PDXK: variants seen among roughly 807,000 people sequenced by gnomAD.
PDXK encodes the protein pyridoxal kinase, also known as epididymis secretory sperm binding protein Li 1a.
A neutral mutation model predicts 43.2 loss-of-function variants in PDXK; 15 were observed. That is an observed-to-expected ratio of 0.35 (90% CI 0.23 to 0.53). PDXK has a LOEUF of 0.53. PDXK is among the 20% of genes least tolerant of loss of function. PDXK has a pLI of 0.92. For synonymous variants in PDXK, 172 were observed against 165.4 expected, an observed-to-expected ratio of 1.04 and a Z score of -0.31; for missense variants, 343 against 417.0, an observed-to-expected ratio of 0.82 and a Z score of 1.54.
chr21:43,743,913 C>T, intron 4 of PDXK, 106 bp downstream of exon 4: 1 of 724,852 alleles, frequency 1.4e-6, no homozygotes, highest in Non-Finnish European at 2.4e-6. Flanking sequence ...CTCTGCACGC[C>T]TCCGTGCCCC....
At chr21:43,733,265 G>GCC (rs1363886611) in intron 1 of PDXK, among the ~76,000 whole-genome samples, 14 of 47,508 alleles carry the variant, frequency 2.9e-4, no homozygotes, top group South Asian at 8.5e-4. Flanking sequence ...CCCCCCCCCC[G>GCC]CCCCCCCCGC....
chr21:43,751,174 C>A (rs2083745033), intron 7 of PDXK, among the ~76,000 whole-genome samples: 1 of 152,208 alleles, frequency 6.6e-6, no homozygotes, highest in Non-Finnish European at 1.5e-5. Context: ...GCGTGTCTTG[C>A]TAGCATTGAA....
chr21:43,733,935 C>T, intron 1 of PDXK, 134 bp from the exon 2 acceptor site: 2 of 806,448 alleles, frequency 2.5e-6, no homozygotes, highest in South Asian at 1.5e-5. Context: ...TGCGTCAGCC[C>T]TCCAGCCTGC....
At chr21:43,750,880 G>A (rs995896025) in intron 7 of PDXK, among the ~76,000 whole-genome samples, 2 of 151,852 alleles carry the variant, frequency 1.3e-5, no homozygotes, top group Non-Finnish European at 2.9e-5. Context: ...GTGCATGTGT[G>A]TCCATGGGCG....
chr21:43,722,140 C>T (rs1352649155), intron 1 of PDXK, among the ~76,000 whole-genome samples: 7 of 152,218 alleles, frequency 4.6e-5, no homozygotes, highest in East Asian at 1.9e-4. Flanking sequence ...GGCACTTCCC[C>T]GCTGCTCTGG....
Position 43,734,795 on chromosome 21 carries a change from T to C in PDXK, c.142+672T>C, listed in dbSNP as rs2083377061. 6.6e-6 allele frequency among the ~76,000 whole-genome samples: 1 copy of C among 152,096 alleles called. No individual in the cohort carries two copies. The highest frequency in any genetic ancestry group is 6.5e-5 in the Admixed American group (1 of 15,276). On this transcript the variant is annotated intron_variant, in intron 2 of 10. Transcript: ENST00000291565. This position sits in a 1 kb window ranked among gnomAD's most constrained non-coding sequence, Gnocchi z 5.0. ...GGTGCGTGGAGTCCCCCCTCCTCTC[T>C]GTGGTTTCTATACTGCTTCGTCGGC...
chr21:43,733,652 A>G (rs1347887309), intron 1 of PDXK: 1 of 1,060,076 alleles, frequency 9.4e-7, no homozygotes, highest in Non-Finnish European at 1.1e-6. Context: ...GTAGACGCCC[A>G]CATTTTCACA....
At chr21:43,728,989 G>A in intron 1 of PDXK, 2 of 985,662 alleles carry the variant, frequency 2.0e-6, no homozygotes, top group Non-Finnish European at 1.2e-6. Context: ...CTCTCGGCAG[G>A]AGACGGGGCG....
rs1106797 is a variant in PDXK at position 43,750,404 on chromosome 21, A to G, written c.465-96A>G. The G allele has an allele frequency of 0.72, 784,309 of 1,095,028 alleles. 284,401 individuals carry two copies. Among genetic ancestry groups the G allele is most frequent in the African/African-American group, 0.94 (60,566 of 64,438 alleles). 67.8% of individuals were successfully genotyped at this position (1,095,028 alleles called of 1,614,324 possible). A position where few individuals can be genotyped will look rare whatever the true frequency, so the allele number is the denominator to read the frequency against. On this transcript the variant is annotated intron_variant, in intron 6 of 10. Transcript: ENST00000291565. ...GAGTTAGCTGCCTGTGGGGATGGGGATTTCCAGAGCCGCTGCGGTTTGGGG... is the reference window on the plus strand; with the variant it reads ...GAGTTAGCTGCCTGTGGGGATGGGGGTTTCCAGAGCCGCTGCGGTTTGGGG...
intron 2 of PDXK, among the ~76,000 whole-genome samples, chr21:43,739,336 C>T (rs560630229): frequency 6.6e-6 from 1 of 152,294 alleles, no homozygotes; most frequent in Non-Finnish European, 1.5e-5. Flanking sequence ...CCTTTATGAA[C>T]TCTTAACCTG....
intron 1 of PDXK, 137 bp from the exon 2 acceptor site, chr21:43,733,932 G>A: frequency 1.3e-6 from 1 of 778,672 alleles, no homozygotes; most frequent in Non-Finnish European, 2.2e-6. Flanking sequence ...TGATGCGTCA[G>A]CCCTCCAGCC....
chr21:43,726,674 T>C (rs903080364), intron 1 of PDXK, among the ~76,000 whole-genome samples: 4 of 152,138 alleles, frequency 2.6e-5, no homozygotes, highest in African/African-American at 9.7e-5. Context: ...TCCCAAAGTG[T>C]TGGGATTACA....
At chr21:43,751,624 C>T (rs986453869) in intron 7 of PDXK, among the ~76,000 whole-genome samples, 3 of 152,226 alleles carry the variant, frequency 2.0e-5, no homozygotes, top group Admixed American at 1.3e-4. Flanking sequence ...AGTCCAAGGT[C>T]AAGGCACTGG....
intron 1 of PDXK, 69 bp downstream of exon 1, chr21:43,719,450 G>A (rs557919459): frequency 1.5e-5 from 22 of 1,430,798 alleles, no homozygotes; most frequent in African/African-American, 3.0e-5. Context: ...TGCCCGAGAC[G>A]AGCCTCAGTT....
chr21:43,737,790 G>T lies in PDXK; in HGVS notation c.142+3667G>T, dbSNP rs575541460. 39 of 985,300 alleles carry T rather than the reference G, an allele frequency of 4.0e-5. No homozygotes were observed. The highest frequency in any genetic ancestry group is 4.6e-5 in the Non-Finnish European group (38 of 829,932). 61.0% of individuals were successfully genotyped at this position (985,300 alleles called of 1,614,324 possible). On this transcript the variant is annotated intron_variant, in intron 2 of 10. Coordinates refer to ENST00000291565, the MANE Select transcript of PDXK (RefSeq NM_003681.5). The surrounding 1 kb of genome is among the most constrained non-coding windows in gnomAD (Gnocchi z 4.8). ...TGGCCGGCTGGGATCTGACAGGAGT[G>T]CCAGGCTCCTTGGGCCGCCCGAGGA...
At chr21:43,719,671 C>T in intron 1 of PDXK, 1 of 985,412 alleles carries the variant, frequency 1.0e-6, no homozygotes, top group Non-Finnish European at 1.2e-6. Flanking sequence ...CGCTCGTCCT[C>T]GCCCCTTCCC....
chr21:43,752,667 C>T (rs1286171013), intron 8 of PDXK, 38 bp downstream of exon 8: 6 of 1,236,102 alleles, frequency 4.9e-6, no homozygotes, highest in Middle Eastern at 1.9e-4. Context: ...CGCCTCTGCT[C>T]TTCCCAGAGG....
rs2083908587 is a variant in PDXK at position 43,760,034 on chromosome 21, C to T, written c.*3971C>T. On this transcript the variant is annotated 3_prime_UTR_variant, in exon 11 of 11. Transcript: ENST00000291565. Reference sequence around the variant, plus strand: ...GTGGACACCGTCCCCACTCCGGACTCCCAGCACAGGGGAGGATACCTGAGC... The same window carrying T: ...GTGGACACCGTCCCCACTCCGGACTTCCAGCACAGGGGAGGATACCTGAGC... The T allele has an allele frequency of 6.8e-6, 1 of 147,592 alleles. No individual in the cohort carries two copies. The highest frequency in any genetic ancestry group is 1.5e-5 in the Non-Finnish European group (1 of 65,324). The allele number at this position is 147,592 out of a possible 1,614,324, so 9.1% of individuals were successfully genotyped here. A position where few individuals can be genotyped will look rare whatever the true frequency, so the allele number is the denominator to read the frequency against.
chr21:43,724,789 T>C (rs1055056089), intron 1 of PDXK, among the ~76,000 whole-genome samples: 1 of 150,846 alleles, frequency 6.6e-6, no homozygotes, highest in Non-Finnish European at 1.5e-5. Context: ...TGCAGTGACC[T>C]GTGATGGTGC....
Sources: allele counts gnomAD v4.1 joint callset (sites outside exome capture counted in the v4.1 genomes callset), GRCh38; gene constraint gnomAD v4.1.1; non-coding constraint Gnocchi (gnomAD v3.1); transcripts MANE v1.5; gene names NCBI Gene and HGNC (gene_info 2026-07-23, HGNC 2026-07-21).